Variants in SMPX observed in about 807,000 individuals in gnomAD.
SMPX encodes small muscle protein X-linked.
SMPX carries 2 observed loss-of-function variants against 6.3 expected under a neutral mutation model. That is an observed-to-expected ratio of 0.32 (90% CI 0.13 to 0.99). SMPX has a LOEUF of 0.99. Ranked by LOEUF, SMPX falls within the 50% of genes least tolerant of loss-of-function variation. SMPX has a pLI of 0.49. For missense variants in SMPX, 60 were observed against 66.8 expected, an observed-to-expected ratio of 0.90 and a Z score of 0.36; for synonymous variants, 32 against 24.7, an observed-to-expected ratio of 1.30 and a Z score of -0.88.
At chrX:21,717,054 A>G (rs1295045066) in intron 4 of SMPX, among the ~76,000 whole-genome samples, 3 of 111,855 alleles carry the variant, frequency 2.7e-5, no homozygotes, top group Non-Finnish European at 3.8e-5. Flanking sequence ...GTACCTGTTT[A>G]CAATATAAAT....
At chrX:21,740,014 T>G (rs1333772133) in intron 3 of SMPX, among the ~76,000 whole-genome samples, 6 of 112,162 alleles carry the variant, frequency 5.3e-5, no homozygotes, top group African/African-American at 1.9e-4. Flanking sequence ...ATGCATTGTG[T>G]TTTTTTATTT....
rs187767527 is a variant in SMPX at position 21,715,743 on chromosome X, G to A, written c.*15-9349C>T. 3.6e-5 allele frequency among the ~76,000 whole-genome samples: 4 copies of A among 110,962 alleles called. No homozygotes were observed. In the East Asian group the frequency reaches 8.6e-4, roughly 24 times the overall value. ...GAGAATGATTTTTGCCCCCCACCCC[G>A]TGGTGGGCATTTGGCACTATGTGAA... On this transcript the variant is annotated intron_variant, in intron 4 of 4. Coordinates refer to ENST00000379494, the MANE Select transcript of SMPX (RefSeq NM_014332.3).
intron 4 of SMPX, among the ~76,000 whole-genome samples, chrX:21,734,315 T>C (rs192169492): frequency 2.8e-3 from 314 of 111,796 alleles, no homozygotes; most frequent in Non-Finnish European, 5.2e-3. Context: ...CCAGAGCGGT[T>C]CTGCAGGTTC....
chrX:21,707,337 A>G (rs1175138227), intron 4 of SMPX, among the ~76,000 whole-genome samples: 1 of 112,120 alleles, frequency 8.9e-6, no homozygotes, highest in African/African-American at 3.2e-5. Flanking sequence ...TTTTCACTTG[A>G]AAACTTCATC....
intron 4 of SMPX, among the ~76,000 whole-genome samples, chrX:21,724,777 C>T (rs1028458432): frequency 1.1e-4 from 12 of 112,043 alleles, no homozygotes; most frequent in Non-Finnish European, 2.1e-4. Flanking sequence ...CACAATCTTC[C>T]ACCCTTTGTG....
chrX:21,712,940 A>G (rs2092780302), intron 4 of SMPX, among the ~76,000 whole-genome samples: 1 of 112,241 alleles, frequency 8.9e-6, no homozygotes, highest in Non-Finnish European at 1.9e-5. Context: ...AACCAAATGG[A>G]AAACTAATTT....
intron 2 of SMPX, among the ~76,000 whole-genome samples, chrX:21,751,154 A>G (rs1484737625): frequency 3.6e-5 from 4 of 112,427 alleles, no homozygotes; most frequent in Admixed American, 9.4e-5. Flanking sequence ...GCAAAACACT[A>G]TCTTGTAAGA....
chrX:21,718,694 C>T (rs2092788076), intron 4 of SMPX, among the ~76,000 whole-genome samples: 1 of 111,719 alleles, frequency 9.0e-6, no homozygotes, highest in Non-Finnish European at 1.9e-5. Context: ...GGAGACAGTT[C>T]CATTCCTAAT....
At chrX:21,725,029 C>A (rs1221136840) in intron 4 of SMPX, among the ~76,000 whole-genome samples, 1 of 112,154 alleles carries the variant, frequency 8.9e-6, no homozygotes, top group Non-Finnish European at 1.9e-5. Flanking sequence ...GTATGATGCC[C>A]CTTAAGCAGC....
intron 4 of SMPX, 135 bp downstream of exon 4, chrX:21,737,414 A>C: frequency 3.4e-6 from 2 of 591,852 alleles, no homozygotes; most frequent in South Asian, 5.2e-5. Context: ...AAACTGCACC[A>C]GAAATACTGA....
At chrX:21,750,918 A>G (rs7064234) in intron 2 of SMPX, among the ~76,000 whole-genome samples, 11,559 of 111,781 alleles carry the variant, frequency 0.1, 646 homozygotes, top group African/African-American at 0.21. Flanking sequence ...TCTATTCATT[A>G]TAACAACCCA....
At chrX:21,757,720 A>C (rs920270934) in intron 1 of SMPX, among the ~76,000 whole-genome samples, 16 of 111,425 alleles carry the variant, frequency 1.4e-4, no homozygotes, top group African/African-American at 4.9e-4. Context: ...CTATCGATGA[A>C]AACTGCCTTT....
At chrX:21,748,157 T>C (rs916138858) in intron 2 of SMPX, among the ~76,000 whole-genome samples, 2 of 111,767 alleles carry the variant, frequency 1.8e-5, no homozygotes, top group African/African-American at 6.5e-5. Flanking sequence ...TACTACAATA[T>C]AGTCAACTTA....
chrX:21,753,574 G>A (rs1390965981), intron 2 of SMPX, among the ~76,000 whole-genome samples: 2 of 112,162 alleles, frequency 1.8e-5, no homozygotes, highest in Non-Finnish European at 3.8e-5. Context: ...CAGAGTTTCA[G>A]GGTGGAAGCC....
chrX:21,743,804 C>A lies in SMPX; in HGVS notation c.78G>T (p.Arg26=). The change falls in exon 3 of 5, where the codon CGG becomes CGT. Residue 26 remains arginine, a synonymous_variant. Transcript: ENST00000379494. ...ANINIPMGAF[R]PGAGQPPRRK... ...TTCTGGGGGGTTGACCTGCTCCTGGCCGAAAGGCTCCCATTGGAATATTGA... is the reference window on the plus strand; with the variant it reads ...TTCTGGGGGGTTGACCTGCTCCTGGACGAAAGGCTCCCATTGGAATATTGA... 1 of 1,208,183 alleles carries A rather than the reference C, an allele frequency of 8.3e-7. No individual in the cohort carries two copies. The highest frequency in any genetic ancestry group is 1.1e-6 in the Non-Finnish European group (1 of 892,656).
intron 4 of SMPX, among the ~76,000 whole-genome samples, chrX:21,731,221 A>G (rs965362865): frequency 9.2e-6 from 1 of 108,593 alleles, no homozygotes; most frequent in African/African-American, 3.3e-5. Flanking sequence ...TCATTCCATT[A>G]TGGTCATAGA....
At chrX:21,733,249 A>T (rs1041986891) in intron 4 of SMPX, among the ~76,000 whole-genome samples, 1 of 111,887 alleles carries the variant, frequency 8.9e-6, no homozygotes, top group East Asian at 2.8e-4. Flanking sequence ...ATTCCAACTC[A>T]TTCTCATTTA....
intron 4 of SMPX, among the ~76,000 whole-genome samples, chrX:21,709,042 T>G (rs1172731945): frequency 8.9e-6 from 1 of 112,866 alleles, no homozygotes; most frequent in African/African-American, 3.2e-5. Flanking sequence ...ACATTTTCTT[T>G]ATTCATACAT....
At chrX:21,707,947 A>T (rs142431790) in intron 4 of SMPX, among the ~76,000 whole-genome samples, 1 of 112,594 alleles carries the variant, frequency 8.9e-6, no homozygotes, top group Non-Finnish European at 1.9e-5. Context: ...ATAAGAAATG[A>T]TCTTGTTTTA....
Sources: gnomAD v4.1 joint callset for allele counts (sites outside exome capture counted in the v4.1 genomes callset) on GRCh38, gnomAD v4.1.1 for gene constraint, MANE v1.5 for transcripts, NCBI Gene and HGNC (gene_info 2026-07-23, HGNC 2026-07-21) for gene names.